ANKRD50: variants seen among roughly 807,000 people sequenced by gnomAD.
ANKRD50 encodes ankyrin repeat domain-containing protein 50.
In ANKRD50, 40 loss-of-function variants were observed where a neutral mutation model predicts 112.0. The ratio of observed to expected loss-of-function variants is 0.36; its 90% CI spans 0.28 to 0.46. The LOEUF is 0.46. Ranked by LOEUF, ANKRD50 falls within the 20% of genes least tolerant of loss-of-function variation. The pLI is 1.00. For missense variants in ANKRD50, 1,487 were observed against 1,701.7 expected, an observed-to-expected ratio of 0.87 and a Z score of 2.22; for synonymous variants, 613 against 619.1, an observed-to-expected ratio of 0.99 and a Z score of 0.15.
At position 124,710,104 on chromosome 4, in the gene ANKRD50, G is replaced by A. The variant is rs917545494; in HGVS notation, c.408C>T (p.Arg136=). The stretch of plus-strand genomic sequence containing the variant: ...CCTCATATCCTTGGAGTAGTCCACT[G>A]CGGCAGATCTGGGCTACTAGACCTC... ...FIRGLVAQIC[R]SGLLQGYEDK... is the part of the protein sequence containing the mutation. Residue 136 remains arginine, a synonymous_variant, in exon 2 of 5, where the codon CGC becomes CGT. Coordinates refer to ENST00000504087, the MANE Select transcript of ANKRD50 (RefSeq NM_020337.3). The A allele has an allele frequency of 1.9e-6, 3 of 1,614,160 alleles. No individual in the cohort carries two copies. The highest frequency in any genetic ancestry group is 2.5e-6 in the Non-Finnish European group (3 of 1,180,036).
Position 124,669,235 on chromosome 4 carries a change from T to A in ANKRD50, c.4042A>T (p.Ile1348Phe). 6.2e-7 allele frequency: 1 copy of A among 1,613,736 alleles called. No individual in the cohort carries two copies. Among genetic ancestry groups the A allele is most frequent in the Non-Finnish European group, 8.5e-7 (1 of 1,179,790 alleles). ...TTCTGTTCCCCACTTTGTTGGTGAATAAGAAACTGCTGTTGAGATCGACCA... is the reference window on the plus strand; with the variant it reads ...TTCTGTTCCCCACTTTGTTGGTGAAAAAGAAACTGCTGTTGAGATCGACCA... ...EIGRSQQQFL[I>F]HQQSGEQKKR... The change falls in exon 4 of 5, where the codon ATT becomes TTT. Residue 1348 changes from isoleucine to phenylalanine, a missense_variant. Around this residue, in one of 2 missense-constraint regions of ANKRD50, gnomAD observed 441 missense variants for 432.2 expected, o/e 1.02. Coordinates refer to ENST00000504087, the MANE Select transcript of ANKRD50 (RefSeq NM_020337.3).
intron 2 of ANKRD50, among the ~76,000 whole-genome samples, chr4:124,681,677 T>C (rs922059066): frequency 2.0e-5 from 3 of 152,326 alleles, no homozygotes; most frequent in African/African-American, 7.2e-5. Flanking sequence ...GATTTAGTGA[T>C]TATCTCCTTT....
At chr4:124,674,501 T>G (rs2110510533) in intron 3 of ANKRD50, among the ~76,000 whole-genome samples, 1 of 152,054 alleles carries the variant, frequency 6.6e-6, no homozygotes, top group African/African-American at 2.4e-5. Flanking sequence ...GAGATAAATA[T>G]TTCTATTTTA....
rs780234214 is a variant in ANKRD50 at position 124,710,038 on chromosome 4, A to T, written c.474T>A (p.Pro158=). The change falls in exon 2 of 5, where the codon CCT becomes CCA. Residue 158 remains proline, a synonymous_variant. Coordinates refer to ENST00000504087, the MANE Select transcript of ANKRD50 (RefSeq NM_020337.3). ...CGGCTGGGTTTCTCTCGCACTCCCC[A>T]GGCTGTAAGAGGCTTTGGACTGCTG... ...RDPAVQSLLQ[P]GECERNPAEA... 1 of 1,614,094 alleles carries T rather than the reference A, an allele frequency of 6.2e-7. No homozygotes were observed. The highest frequency in any genetic ancestry group is 8.5e-7 in the Non-Finnish European group (1 of 1,179,994).
In ANKRD50 at chr4:124,692,641, TAA is replaced by T. The variant is rs370852923; in HGVS notation, c.513-13738_513-13737del. Reference sequence around the variant, plus strand: ...CTTCATGAATGGTATTAATGTTCTATAAGAGACCCCAGAGAGCTAGCTCATCC... The same window carrying T: ...CTTCATGAATGGTATTAATGTTCTATGAGACCCCAGAGAGCTAGCTCATCC... On this transcript the variant is annotated intron_variant, in intron 2 of 4. Coordinates refer to ENST00000504087, the MANE Select transcript of ANKRD50 (RefSeq NM_020337.3). Among the ~76,000 whole-genome samples, 448 of 152,222 alleles carry T rather than the reference TAA, an allele frequency of 2.9e-3. 1 individual carries two copies. Among genetic ancestry groups the T allele is most frequent in the African/African-American group, 0.01 (424 of 41,538 alleles).
chr4:124,700,049 A>C (rs1725353290), intron 2 of ANKRD50, among the ~76,000 whole-genome samples: 1 of 152,196 alleles, frequency 6.6e-6, no homozygotes, highest in Admixed American at 6.6e-5. Flanking sequence ...AATTAAGAAT[A>C]AGGACAGCTA....
intron 2 of ANKRD50, among the ~76,000 whole-genome samples, chr4:124,683,106 TA>T (rs1724930488): frequency 6.6e-6 from 1 of 151,854 alleles, no homozygotes; most frequent in South Asian, 2.1e-4. Flanking sequence ...TATACCCATA[TA>T]TGTAATGTGT....
rs1202713456 is a variant in ANKRD50, at chr4:124,710,537, A to G, written c.-26T>C. ...AACGGGTTTTTTATCTTCATTTGCT[A>G]GAGTCTGGATACATCAACACAGGTC... is the stretch of plus-strand genomic sequence containing the variant. On this transcript the variant is annotated 5_prime_UTR_variant, in exon 2 of 5. It removes the in-frame stop codon of an upstream open reading frame in the 5' UTR. Transcript: ENST00000504087. The G allele has an allele frequency of 1.2e-5, 19 of 1,591,146 alleles. No homozygotes were observed. Among genetic ancestry groups the G allele is most frequent in the Non-Finnish European group, 1.6e-5 (19 of 1,173,396 alleles).
At chr4:124,693,715 T>C (rs984272815) in intron 2 of ANKRD50, among the ~76,000 whole-genome samples, 2 of 152,174 alleles carry the variant, frequency 1.3e-5, no homozygotes, top group African/African-American at 2.4e-5. Flanking sequence ...AATTAAATTA[T>C]ACATAACATT....
chr4:124,689,583 C>T (rs1295597637), intron 2 of ANKRD50, among the ~76,000 whole-genome samples: 2 of 152,168 alleles, frequency 1.3e-5, no homozygotes, highest in Non-Finnish European at 2.9e-5. Flanking sequence ...CCTGACTGCA[C>T]GAGGTGGGAC....
rs187894616 is a variant in ANKRD50, at chr4:124,682,292, C to T, written c.513-3387G>A. Among the ~76,000 whole-genome samples, 58 of 140,058 alleles carry T rather than the reference C, an allele frequency of 4.1e-4. No homozygotes were observed. In the East Asian group the frequency reaches 0.011, roughly 27 times the overall value. The allele number at this position is 140,058 out of a possible 152,430, so 91.9% of individuals were successfully genotyped here. A position where few individuals can be genotyped will look rare whatever the true frequency, so the allele number is the denominator to read the frequency against. On this transcript the variant is annotated intron_variant, in intron 2 of 4. Transcript: ENST00000504087. Reference sequence around the variant, plus strand: ...GATTGCGCCACTGCAGTCCGCAGTCCGGCCTGGGCGACAGAGCAAGACTCC... The same window carrying T: ...GATTGCGCCACTGCAGTCCGCAGTCTGGCCTGGGCGACAGAGCAAGACTCC...
chr4:124,688,746 G>A lies in ANKRD50; in HGVS notation c.513-9841C>T, dbSNP rs565510140. Among the ~76,000 whole-genome samples the A allele has an allele frequency of 9.9e-5, 15 of 152,220 alleles. No individual in the cohort carries two copies. In the South Asian group the frequency reaches 1.2e-3, roughly 13 times the overall value. ...TCAGATCATTAACACTGAAGTCAGCGAAGCCCATCTAAACCTACTAGAATG... is the reference window on the plus strand; with the variant it reads ...TCAGATCATTAACACTGAAGTCAGCAAAGCCCATCTAAACCTACTAGAATG... On this transcript the variant is annotated intron_variant, in intron 2 of 4. Transcript: ENST00000504087.
intron 2 of ANKRD50, among the ~76,000 whole-genome samples, chr4:124,692,369 C>T (rs886939814): frequency 9.2e-5 from 14 of 152,004 alleles, no homozygotes; most frequent in Non-Finnish European, 1.3e-4. Context: ...TATTTTAAAG[C>T]AATTTGGCTT....
chr4:124,686,652 CCA>C, intron 2 of ANKRD50, among the ~76,000 whole-genome samples: 1 of 152,200 alleles, frequency 6.6e-6, no homozygotes, highest in South Asian at 2.1e-4. Flanking sequence ...AGACCTCACC[CCA>C]GTCTGAGGGG....
chr4:124,682,208 T>C (rs1724905060), intron 2 of ANKRD50, among the ~76,000 whole-genome samples: 1 of 150,390 alleles, frequency 6.6e-6, no homozygotes, highest in South Asian at 2.1e-4. Context: ...CCCAGCTCCT[T>C]GGGAGGCTGA....
intron 3 of ANKRD50, among the ~76,000 whole-genome samples, chr4:124,674,311 T>C (rs1485651790): frequency 6.6e-6 from 1 of 151,898 alleles, no homozygotes; most frequent in Non-Finnish European, 1.5e-5. Flanking sequence ...ATATCTAAAA[T>C]TTAAACCTAA....
Position 124,671,635 on chromosome 4 carries a change from A to T in ANKRD50, c.1642T>A (p.Leu548Ile). Reference sequence around the variant, plus strand: ...CCACTATATGCAGCATTAGCCAATAATGTTCTCCCATTTGAATCACACTGA... The same window carrying T: ...CCACTATATGCAGCATTAGCCAATATTGTTCTCCCATTTGAATCACACTGA... ...VNQCDSNGRTLLANAAYSGSL... is the reference protein window; with the variant it reads ...VNQCDSNGRTILANAAYSGSL... The change falls in exon 4 of 5, where the codon TTA (leucine) becomes ATA (isoleucine). Residue 548 changes from leucine to isoleucine, a missense_variant. Leu to Ile is a conservative substitution (Grantham distance 5, BLOSUM62 2). Coordinates refer to ENST00000504087, the MANE Select transcript of ANKRD50 (RefSeq NM_020337.3). The T allele has an allele frequency of 6.2e-7, 1 of 1,613,896 alleles. No homozygotes were observed. The highest frequency in any genetic ancestry group is 8.5e-7 in the Non-Finnish European group (1 of 1,179,874).
intron 2 of ANKRD50, among the ~76,000 whole-genome samples, chr4:124,686,130 G>C (rs1725002842): frequency 6.6e-6 from 1 of 152,042 alleles, no homozygotes; most frequent in Middle Eastern, 3.2e-3. Context: ...AGATTAATAA[G>C]CTTTTAAAGC....
At chr4:124,712,363 G>A (rs1467328932) in intron 1 of ANKRD50, 95 bp downstream of exon 1, 1 of 153,392 alleles carries the variant, frequency 6.5e-6, no homozygotes, top group East Asian at 1.9e-4. Context: ...GAGAGGGTGG[G>A]TGGTTGGGTC....
Sources: gnomAD v4.1 joint callset for allele counts (sites outside exome capture counted in the v4.1 genomes callset) on GRCh38, gnomAD v4.1.1 for gene constraint, gnomAD v4.1.1 regional missense constraint, MANE v1.5 for transcripts, NCBI Gene and HGNC (gene_info 2026-07-23, HGNC 2026-07-21) for gene names.